CD86: variants seen among roughly 807,000 people sequenced by gnomAD.
The protein encoded by CD86 is CD86 molecule, also known as T-lymphocyte activation antigen CD86.
Under a neutral mutation model 32.1 loss-of-function variants are expected in CD86, and 11 were observed. That is an observed-to-expected ratio of 0.34 (90% confidence interval 0.22 to 0.57). CD86 has a LOEUF of 0.57. CD86 is among the 20% of genes least tolerant of loss of function. The pLI, the probability that CD86 is intolerant of heterozygous loss-of-function variation, is 0.86. For missense variants in CD86, 359 were observed against 398.4 expected, an observed-to-expected ratio of 0.90 and a Z score of 0.84; for synonymous variants, 137 against 135.3, an observed-to-expected ratio of 1.01 and a Z score of -0.09.
intron 1 of CD86, chr3:122,086,713 T>C (rs2072727426): frequency 4.7e-6 from 2 of 426,638 alleles, no homozygotes; most frequent in Admixed American, 2.4e-5. Flanking sequence ...ACCCTCTTGA[T>C]GCAAAGGGAT....
rs113346267 is a variant in CD86 at position 122,119,580 on chromosome 3, C to G, written c.*46C>G. 21 of 1,219,318 alleles carry G rather than the reference C, an allele frequency of 1.7e-5. No homozygotes were observed. In the South Asian group the frequency reaches 2.7e-4, roughly 15 times the overall value. 75.5% of individuals were successfully genotyped at this position (1,219,318 alleles called of 1,614,324 possible). On this transcript the variant is annotated 3_prime_UTR_variant, in exon 7 of 7. Transcript: ENST00000330540. ...AAGTATTCATTTTTTCTACCCTTTC[C>G]TTTGTAAGTTCCTGGGCAACCTTTT...
chr3:122,083,126 C>T (rs577086452), intron 1 of CD86, among the ~76,000 whole-genome samples: 29 of 152,336 alleles, frequency 1.9e-4, no homozygotes, highest in African/African-American at 6.5e-4. Context: ...TTCTTTCACT[C>T]AAACAATTGC....
At position 122,119,551 on chromosome 3, in the gene CD86, A is replaced by G. The variant is rs767003674; in HGVS notation, c.*17A>G. 1 of 1,449,260 alleles carries G rather than the reference A, an allele frequency of 6.9e-7. No individual in the cohort carries two copies. Among genetic ancestry groups the G allele is most frequent in the Admixed American group, 1.8e-5 (1 of 57,062 alleles). 89.8% of individuals were successfully genotyped at this position (1,449,260 alleles called of 1,614,324 possible). A position where few individuals can be genotyped will look rare whatever the true frequency, so the allele number is the denominator to read the frequency against. ...TGTTTTTAATTAAAGAGTAAAGCCCATACAAGTATTCATTTTTTCTACCCT... is the reference window on the plus strand; with the variant it reads ...TGTTTTTAATTAAAGAGTAAAGCCCGTACAAGTATTCATTTTTTCTACCCT... On this transcript the variant is annotated 3_prime_UTR_variant, in exon 7 of 7. Coordinates refer to ENST00000330540, the MANE Select transcript of CD86 (RefSeq NM_175862.5).
intron 5 of CD86, among the ~76,000 whole-genome samples, chr3:122,112,814 CT>C (rs1178490524): frequency 2.6e-5 from 4 of 152,054 alleles, no homozygotes; most frequent in Admixed American, 2.0e-4. Flanking sequence ...CTATAAGTAC[CT>C]TTTTTTACAT....
At chr3:122,085,426 A>G (rs1370343883) in intron 1 of CD86, among the ~76,000 whole-genome samples, 1 of 152,124 alleles carries the variant, frequency 6.6e-6, no homozygotes, top group Admixed American at 6.5e-5. Context: ...CATTCTGCAA[A>G]CACTGCTCGA....
At chr3:122,072,079 A>G (rs2072496793) in intron 1 of CD86, among the ~76,000 whole-genome samples, 2 of 149,744 alleles carry the variant, frequency 1.3e-5, no homozygotes, top group African/African-American at 2.5e-5. Flanking sequence ...TTATGGCTGC[A>G]TAGTATTCCA....
intron 1 of CD86, among the ~76,000 whole-genome samples, chr3:122,088,699 A>G (rs191355234): frequency 6.6e-6 from 1 of 152,338 alleles, no homozygotes; most frequent in African/African-American, 2.4e-5. Flanking sequence ...GGATGTGGAG[A>G]AATTGGAGCT....
intron 1 of CD86, among the ~76,000 whole-genome samples, chr3:122,078,736 A>G (rs2072588826): frequency 6.6e-6 from 1 of 152,246 alleles, no homozygotes; most frequent in South Asian, 2.1e-4. Flanking sequence ...TATCATCTCT[A>G]TTAATAGCAA....
Position 122,119,466 on chromosome 3 carries a change from G to C in CD86, c.922G>C (p.Asp308His). ...REKIHIPERS[D>H]EAQRVFKSSK... Reference sequence around the variant, plus strand: ...AAAAATCCATATACCTGAAAGATCTGATGAAGCCCAGCGTGTTTTTAAAAG... The same window carrying C: ...AAAAATCCATATACCTGAAAGATCTCATGAAGCCCAGCGTGTTTTTAAAAG... The change falls in exon 7 of 7, where the codon GAT becomes CAT. Residue 308 changes from aspartate to histidine, a missense_variant. By Grantham distance (81) the Asp-to-His change is moderately conservative (BLOSUM62 -1). Coordinates refer to ENST00000330540, the MANE Select transcript of CD86 (RefSeq NM_175862.5). The C allele has an allele frequency of 1.2e-6, 2 of 1,610,542 alleles. No homozygotes were observed. The highest frequency in any genetic ancestry group is 1.3e-5 in the African/African-American group (1 of 74,970).
rs958118063 is a variant in CD86, at chr3:122,103,759, C to G, written c.312C>G (p.Asp104Glu). ...GACTTCACAATCTTCAGATCAAGGA[C>G]AAGGGCTTGTATCAATGTATCATCC... The part of the protein sequence containing the change: ...TLRLHNLQIK[D>E]KGLYQCIIHH... Residue 104 changes from aspartate to glutamate, a missense_variant, in exon 3 of 7, where the codon GAC becomes GAG. By Grantham distance (45) the Asp-to-Glu change is conservative. Transcript: ENST00000330540. 1 of 1,614,020 alleles carries G rather than the reference C, an allele frequency of 6.2e-7. No individual in the cohort carries two copies. The highest frequency in any genetic ancestry group is 8.5e-7 in the Non-Finnish European group (1 of 1,179,898).
intron 5 of CD86, among the ~76,000 whole-genome samples, chr3:122,113,948 T>C (rs1309667314): frequency 6.6e-6 from 1 of 152,126 alleles, no homozygotes; most frequent in African/African-American, 2.4e-5. Context: ...GAGACTTTTC[T>C]AACAATTAAA....
rs1474018086 is a variant in CD86, at chr3:122,106,284, T to A, written c.487T>A (p.Tyr163Asn). The part of the protein sequence containing the change: ...INLTCSSIHG[Y>N]PEPKKMSVLL... ...TTTGACCTGCTCATCTATACACGGTTACCCAGAACCTAAGAAGATGAGTGT... is the reference window on the plus strand; with the variant it reads ...TTTGACCTGCTCATCTATACACGGTAACCCAGAACCTAAGAAGATGAGTGT... Residue 163 changes from tyrosine to asparagine, a missense_variant, in exon 4 of 7, where the codon TAC (tyrosine) becomes AAC (asparagine). By Grantham distance (143) the Tyr-to-Asn change is moderately radical. Coordinates refer to ENST00000330540, the MANE Select transcript of CD86 (RefSeq NM_175862.5). The A allele has an allele frequency of 3.1e-6, 5 of 1,613,742 alleles. No individual in the cohort carries two copies. In the Admixed American group the frequency reaches 6.7e-5, roughly 22 times the overall value.
intron 1 of CD86, among the ~76,000 whole-genome samples, chr3:122,066,681 T>C (rs1043448225): frequency 1.3e-5 from 2 of 152,130 alleles, no homozygotes; most frequent in African/African-American, 2.4e-5. Context: ...CTCATAGTAA[T>C]CAGTTAATAG....
intron 1 of CD86, among the ~76,000 whole-genome samples, chr3:122,064,763 G>C (rs1050292540): frequency 5.3e-5 from 8 of 152,186 alleles, no homozygotes; most frequent in African/African-American, 1.9e-4. Flanking sequence ...TAATGCATCA[G>C]AGGTTCAGGA....
intron 1 of CD86, among the ~76,000 whole-genome samples, chr3:122,080,271 T>C (rs1329616614): frequency 1.3e-5 from 2 of 152,166 alleles, no homozygotes; most frequent in Non-Finnish European, 2.9e-5. Flanking sequence ...AAACTTTGCA[T>C]GATCCTTACC....
rs780454711 is a variant in CD86 at position 122,106,337 on chromosome 3, C to T, written c.540C>T (p.Ile180=). The T allele has an allele frequency of 8.7e-6, 14 of 1,614,106 alleles. No homozygotes were observed. Among genetic ancestry groups the T allele is most frequent in the Non-Finnish European group, 1.1e-5 (13 of 1,179,986 alleles). Residue 180 remains isoleucine, a synonymous_variant, in exon 4 of 7, where the codon ATC becomes ATT. Coordinates refer to ENST00000330540, the MANE Select transcript of CD86 (RefSeq NM_175862.5). The part of the protein sequence containing the change: ...SVLLRTKNST[I]EYDGVMQKSQ... ...TGCTAAGAACCAAGAATTCAACTAT[C>T]GAGTATGATGGTGTTATGCAGAAAT...
At chr3:122,102,522 C>A (rs1314376860) in intron 2 of CD86, among the ~76,000 whole-genome samples, 3 of 147,200 alleles carry the variant, frequency 2.0e-5, no homozygotes, top group African/African-American at 7.5e-5. Context: ...GGCCCACATC[C>A]TTCCCACAAA....
intron 1 of CD86, among the ~76,000 whole-genome samples, chr3:122,081,577 T>C (rs540105136): frequency 3.3e-5 from 5 of 152,302 alleles, no homozygotes; most frequent in Admixed American, 3.3e-4. Context: ...CACGTTGAGT[T>C]CTAGGAAATT....
At chr3:122,079,634 C>T (rs2072602818) in intron 1 of CD86, among the ~76,000 whole-genome samples, 1 of 152,208 alleles carries the variant, frequency 6.6e-6, no homozygotes, top group East Asian at 1.9e-4. Flanking sequence ...GGCACACAGC[C>T]CTTTACTGGC....
Sources: allele counts gnomAD v4.1 joint callset (sites outside exome capture counted in the v4.1 genomes callset), GRCh38; gene constraint gnomAD v4.1.1; transcripts MANE v1.5; gene names NCBI Gene and HGNC (gene_info 2026-07-23, HGNC 2026-07-21).